The following RYR3 variants were observed in gnomAD, a reference collection of about 807,000 sequenced individuals.
The protein encoded by RYR3 is ryanodine receptor 3.
A neutral mutation model predicts 584.3 loss-of-function variants in RYR3; 207 were observed. The ratio of observed to expected loss-of-function variants is 0.35; its 90% CI spans 0.32 to 0.40. RYR3 has a LOEUF of 0.40. Ranked by LOEUF, RYR3 falls within the 10% of genes least tolerant of loss-of-function variation. RYR3 has a pLI of 1.00. For missense variants in RYR3, 5,616 were observed against 6,089.2 expected, an observed-to-expected ratio of 0.92 and a Z score of 2.59; for synonymous variants, 2,416 against 2,248.5, an observed-to-expected ratio of 1.07 and a Z score of -2.11.
At chr15:33,814,566 G>T (rs551034871) in intron 74 of RYR3, among the ~76,000 whole-genome samples, 2 of 152,196 alleles carry the variant, frequency 1.3e-5, no homozygotes, top group Admixed American at 1.3e-4. Context: ...GAGCCAACTG[G>T]CCACCTGGGC....
At chr15:33,772,348 T>A (rs2073640636) in intron 63 of RYR3, among the ~76,000 whole-genome samples, 190 bp downstream of exon 63, 1 of 152,136 alleles carries the variant, frequency 6.6e-6, no homozygotes, top group Non-Finnish European at 1.5e-5. Flanking sequence ...GGAAAGAAAT[T>A]CCCTAATTTG....
At chr15:33,651,545 A>G (rs28523420) in intron 31 of RYR3, among the ~76,000 whole-genome samples, 28,376 of 152,196 alleles carry the variant, frequency 0.19, 3,282 homozygotes, top group Admixed American at 0.24. Context: ...GGCAGAAGGA[A>G]CCTCGGAGAA....
intron 19 of RYR3, among the ~76,000 whole-genome samples, chr15:33,613,652 C>T (rs1480753564): frequency 6.6e-6 from 1 of 152,176 alleles, no homozygotes; most frequent in Non-Finnish European, 1.5e-5. Flanking sequence ...GTATTACATG[C>T]TCATTATAAG....
intron 5 of RYR3, among the ~76,000 whole-genome samples, chr15:33,535,817 G>T (rs568192106): frequency 3.5e-4 from 54 of 152,236 alleles, no homozygotes; most frequent in African/African-American, 1.2e-3. Context: ...ATCAGACTAG[G>T]TGTGAATTCT....
chr15:33,857,375 C>G (rs1270061651), intron 98 of RYR3, among the ~76,000 whole-genome samples: 4 of 151,676 alleles, frequency 2.6e-5, no homozygotes, highest in African/African-American at 9.7e-5. Flanking sequence ...TCTCCAACTC[C>G]TTTTCTTCTA....
chr15:33,598,916 G>T (rs537447898), intron 16 of RYR3, among the ~76,000 whole-genome samples: 2 of 152,116 alleles, frequency 1.3e-5, no homozygotes, highest in Non-Finnish European at 2.9e-5. Flanking sequence ...TTAGCCAGGC[G>T]TGGTGGCAGG....
chr15:33,807,234 G>A (rs777767924), intron 69 of RYR3, among the ~76,000 whole-genome samples: 6 of 152,200 alleles, frequency 3.9e-5, no homozygotes, highest in South Asian at 2.1e-4. Context: ...AAAGACTTCA[G>A]TTCTGGCCAC....
chr15:33,854,219 A>C (rs951634752), intron 96 of RYR3, among the ~76,000 whole-genome samples, 170 bp from the exon 97 acceptor site: 1 of 151,416 alleles, frequency 6.6e-6, no homozygotes, highest in Non-Finnish European at 1.5e-5. Context: ...AATTCAGGCT[A>C]TGTGATTCAA....
chr15:33,668,174 G>A (rs539427919), intron 36 of RYR3, among the ~76,000 whole-genome samples: 5 of 150,792 alleles, frequency 3.3e-5, no homozygotes, highest in East Asian at 1.9e-4. Flanking sequence ...GAAATCAGCC[G>A]GGCGTGTTGG....
chr15:33,319,740 A>G (rs1968690163), intron 1 of RYR3, among the ~76,000 whole-genome samples: 2 of 152,214 alleles, frequency 1.3e-5, no homozygotes, highest in African/African-American at 2.4e-5. Flanking sequence ...AGATGTCCTG[A>G]AGAAACTCCA....
chr15:33,858,172 C>G (rs1478357463), intron 99 of RYR3: 9 of 423,392 alleles, frequency 2.1e-5, no homozygotes, highest in Admixed American at 7.8e-5. Flanking sequence ...ACAGTGGCGT[C>G]ATCATTCATC....
intron 27 of RYR3, among the ~76,000 whole-genome samples, chr15:33,639,433 G>C (rs1656048308): frequency 6.6e-6 from 1 of 152,168 alleles, no homozygotes; most frequent in Admixed American, 6.5e-5. Flanking sequence ...CCCAAGGCCT[G>C]GAATAACCAC....
intron 1 of RYR3, among the ~76,000 whole-genome samples, chr15:33,399,639 A>G (rs1182281899): frequency 6.6e-6 from 1 of 152,184 alleles, no homozygotes; most frequent in East Asian, 1.9e-4. Context: ...CTCCGTTTCA[A>G]AAATAAAAAA....
At chr15:33,747,000 G>A (rs979773241) in intron 53 of RYR3, among the ~76,000 whole-genome samples, 2 of 150,856 alleles carry the variant, frequency 1.3e-5, no homozygotes, top group African/African-American at 4.9e-5. Flanking sequence ...TAGCAGAGAC[G>A]GGGTTTCGCC....
chr15:33,545,845 T>TC lies in RYR3; in HGVS notation c.740+2131dup, dbSNP rs143054034. On this transcript the variant is annotated intron_variant, in intron 8 of 103. Coordinates refer to ENST00000634891, the MANE Select transcript of RYR3 (RefSeq NM_001036.6). ...AATGGTGCTGACTCTCCAGAAGAAA[T>TC]CGTTTTCAGTCCCTGTAAATCCTGA... is the stretch of plus-strand genomic sequence containing the variant. Among the ~76,000 whole-genome samples the TC allele has an allele frequency of 9.8e-3, 1,487 of 152,158 alleles. 27 individuals carry two copies. Among genetic ancestry groups the TC allele is most frequent in the African/African-American group, 0.034 (1,404 of 41,518 alleles).
chr15:33,392,505 T>A (rs944203324), intron 1 of RYR3, among the ~76,000 whole-genome samples: 2 of 151,948 alleles, frequency 1.3e-5, no homozygotes, highest in South Asian at 4.2e-4. Context: ...TTCAGGCCTC[T>A]GAGAGACAGT....
At chr15:33,760,284 T>A (rs1388477343) in intron 60 of RYR3, among the ~76,000 whole-genome samples, 1 of 152,044 alleles carries the variant, frequency 6.6e-6, no homozygotes, top group Non-Finnish European at 1.5e-5. Flanking sequence ...CAGAGAACAA[T>A]GGTAACCTTA....
intron 25 of RYR3, among the ~76,000 whole-genome samples, chr15:33,635,397 A>G (rs542369159): frequency 6.6e-6 from 1 of 152,356 alleles, no homozygotes; most frequent in South Asian, 2.1e-4. Flanking sequence ...TGGTCTCTAA[A>G]GGATCTACTA....
intron 5 of RYR3, among the ~76,000 whole-genome samples, chr15:33,535,242 A>T (rs2055227199): frequency 6.6e-6 from 1 of 152,166 alleles, no homozygotes; most frequent in South Asian, 2.1e-4. Context: ...GCCTAATTTT[A>T]TAGATCTAGA....
Sources: allele counts gnomAD v4.1 joint callset (sites outside exome capture counted in the v4.1 genomes callset), GRCh38; gene constraint gnomAD v4.1.1; transcripts MANE v1.5; gene names NCBI Gene and HGNC (gene_info 2026-07-23, HGNC 2026-07-21).